The following HIGD1A variants were observed in gnomAD, a reference collection of about 807,000 sequenced individuals.
HIGD1A encodes the protein HIG1 hypoxia inducible domain family member 1A.
In HIGD1A, 8 loss-of-function variants were observed where a neutral mutation model predicts 11.3. That is an observed-to-expected ratio of 0.71 (90% CI 0.42 to 1.28). The LOEUF is 1.28. HIGD1A is among the 50% of genes most tolerant of loss of function. The pLI, the probability that HIGD1A is intolerant of heterozygous loss-of-function variation, is 0.01. For missense variants in HIGD1A, 107 were observed against 118.8 expected (o/e 0.90, Z 0.46); for synonymous variants, 32 against 38.4 (o/e 0.83, Z 0.62).
chr3:42,802,507 C>T (rs933177463), intron 1 of HIGD1A, among the ~76,000 whole-genome samples: 29 of 152,162 alleles, frequency 1.9e-4, no homozygotes, highest in African/African-American at 6.8e-4. Context: ...TATTATAATT[C>T]CCATATAGTA....
intron 1 of HIGD1A, among the ~76,000 whole-genome samples, chr3:42,802,472 GTTAT>G (rs1216798194): frequency 1.3e-5 from 2 of 152,270 alleles, no homozygotes; most frequent in Non-Finnish European, 2.9e-5. Flanking sequence ...ACACATATCA[GTTAT>G]TTGTTATTCT....
intron 2 of HIGD1A, among the ~76,000 whole-genome samples, chr3:42,789,743 T>G (rs1700397400): frequency 6.6e-6 from 1 of 152,110 alleles, no homozygotes; most frequent in African/African-American, 2.4e-5. Flanking sequence ...TTTATTTATT[T>G]AGAGACAGGG....
chr3:42,804,145 G>T (rs1490974593), intron 1 of HIGD1A: 1 of 1,606,040 alleles, frequency 6.2e-7, no homozygotes. Context: ...CACCCCATCA[G>T]CGAGTCTTCC....
At chr3:42,794,789 A>AT (rs1289248019) in intron 1 of HIGD1A, among the ~76,000 whole-genome samples, 1 of 151,974 alleles carries the variant, frequency 6.6e-6, no homozygotes, top group Non-Finnish European at 1.5e-5. Context: ...CCTTGCTTCA[A>AT]TTTTCACTTC....
At chr3:42,800,319 T>A (rs1240732301) in intron 1 of HIGD1A, among the ~76,000 whole-genome samples, 1 of 150,974 alleles carries the variant, frequency 6.6e-6, no homozygotes, top group South Asian at 2.1e-4. Context: ...ACAGAGAGAC[T>A]CTGTCTCAAA....
Position 42,786,046 on chromosome 3 carries a change from C to T in HIGD1A, c.214G>A (p.Val72Ile), listed in dbSNP as rs1700346223. 1.9e-6 allele frequency: 3 copies of T among 1,612,578 alleles called. No homozygotes were observed. The highest frequency in any genetic ancestry group is 2.5e-6 in the Non-Finnish European group (3 of 1,179,970). Residue 72 changes from valine to isoleucine, a missense_variant, in exon 3 of 4, where the codon GTA (valine) becomes ATA (isoleucine). Coordinates refer to ENST00000321331, the MANE Select transcript of HIGD1A (RefSeq NM_014056.4). ...HMRVAAQGFV[V>I]GAMTVGMGYS... ...AACCTACCAACAGTCATTGCTCCTA[C>T]AACAAAGCCTTGGGCTGCCACACGC...
At chr3:42,791,215 G>A (rs1021617957) in intron 2 of HIGD1A, among the ~76,000 whole-genome samples, 1 of 152,140 alleles carries the variant, frequency 6.6e-6, no homozygotes, top group African/African-American at 2.4e-5. Context: ...CGGAAAATAA[G>A]TTAGATTTTG....
chr3:42,803,944 C>T (rs1700603141), intron 1 of HIGD1A, among the ~76,000 whole-genome samples: 1 of 152,170 alleles, frequency 6.6e-6, no homozygotes, highest in Admixed American at 6.5e-5. Flanking sequence ...CCTCAACCTC[C>T]CGACCTTCCT....
At position 42,802,193 on chromosome 3, in the gene HIGD1A, GGTTA is replaced by G. The variant is rs1700573951; in HGVS notation, c.-23+2239_-23+2242del. On this transcript the variant is annotated intron_variant, in intron 1 of 3. Coordinates refer to ENST00000321331, the MANE Select transcript of HIGD1A (RefSeq NM_014056.4). Reference sequence around the variant, plus strand: ...TTTTTTCTCCTTTCAGGAGGGAGGGGGTTAGTTGTCTCTTTCCTGTATATAAATC... The same window carrying G: ...TTTTTTCTCCTTTCAGGAGGGAGGGGGTTGTCTCTTTCCTGTATATAAATC... Among the ~76,000 whole-genome samples, 3 of 151,980 alleles carry G rather than the reference GGTTA, an allele frequency of 2.0e-5. No individual in the cohort carries two copies. In the South Asian group the frequency reaches 6.2e-4, roughly 32 times the overall value.
At position 42,783,595 on chromosome 3, in the gene HIGD1A, A is replaced by G. The variant is rs1700307921; in HGVS notation, c.*1676T>C. Among the ~76,000 whole-genome samples the G allele has an allele frequency of 6.6e-6, 1 of 152,206 alleles. No individual in the cohort carries two copies. The highest frequency in any genetic ancestry group is 2.1e-4 in the South Asian group (1 of 4,832). On this transcript the variant is annotated 3_prime_UTR_variant, in exon 4 of 4. Transcript: ENST00000321331. ...ACACCACTGTACTCCAGCCTCAGCAACAGAGCAAGACTCTGTCTCAAAATA... is the reference window on the plus strand; with the variant it reads ...ACACCACTGTACTCCAGCCTCAGCAGCAGAGCAAGACTCTGTCTCAAAATA...
Position 42,783,689 on chromosome 3 carries a change from T to C in HIGD1A, c.*1582A>G, listed in dbSNP as rs1163840980. Among the ~76,000 whole-genome samples the C allele has an allele frequency of 2.0e-5, 3 of 152,068 alleles. No individual in the cohort carries two copies. Among genetic ancestry groups the C allele is most frequent in the Admixed American group, 6.6e-5 (1 of 15,262 alleles). On this transcript the variant is annotated 3_prime_UTR_variant, in exon 4 of 4. Transcript: ENST00000321331. ...TAATATATCGACCAGAACTGGTTAG[T>C]AGAGGAGGAGGGAAGGAAGAAATAT...
At chr3:42,793,213 A>G (rs546188750) in intron 2 of HIGD1A, among the ~76,000 whole-genome samples, 44 of 152,312 alleles carry the variant, frequency 2.9e-4, no homozygotes, top group African/African-American at 9.1e-4. Context: ...CTTTTTCTTA[A>G]GATTAATTTA....
rs781079273 is a variant in HIGD1A, at chr3:42,786,171, C to G, written c.98-9G>C. On this transcript the variant is annotated splice_polypyrimidine_tract_variant and intron_variant, in intron 2 of 3. Transcript: ENST00000321331. Reference sequence around the variant, plus strand: ...TGCAAAACCCGCTATTCCTGTAAAACAAAGTAACAAGTATGTCAGATGCAT... The same window carrying G: ...TGCAAAACCCGCTATTCCTGTAAAAGAAAGTAACAAGTATGTCAGATGCAT... 6.2e-7 allele frequency: 1 copy of G among 1,613,932 alleles called. No individual in the cohort carries two copies. Among genetic ancestry groups the G allele is most frequent in the Non-Finnish European group, 8.5e-7 (1 of 1,179,862 alleles).
intron 1 of HIGD1A, among the ~76,000 whole-genome samples, chr3:42,800,318 C>G (rs1440940447): frequency 6.6e-6 from 1 of 151,094 alleles, no homozygotes; most frequent in South Asian, 2.1e-4. Context: ...CACAGAGAGA[C>G]TCTGTCTCAA....
chr3:42,789,577 A>AC (rs1327797561), intron 2 of HIGD1A, among the ~76,000 whole-genome samples: 2 of 151,392 alleles, frequency 1.3e-5, no homozygotes, highest in African/African-American at 2.4e-5. Context: ...CAAAAAAAAA[A>AC]ACGAAAAATC....
In HIGD1A at chr3:42,793,656, T is replaced by A. The variant is rs1162692735; in HGVS notation, c.97+501A>T. Among the ~76,000 whole-genome samples the A allele has an allele frequency of 2.6e-5, 4 of 152,176 alleles. No individual in the cohort carries two copies. The East Asian group carries it at 7.7e-4, about 29-fold the overall frequency. The stretch of plus-strand genomic sequence containing the variant: ...GTCTTGGGGTCCCCCAATACAACAT[T>A]ATGCACTGAAATAAGACTCAATAAA... On this transcript the variant is annotated intron_variant, in intron 2 of 3. Coordinates refer to ENST00000321331, the MANE Select transcript of HIGD1A (RefSeq NM_014056.4).
intron 2 of HIGD1A, among the ~76,000 whole-genome samples, chr3:42,791,261 T>C (rs1700418715): frequency 6.6e-6 from 1 of 152,164 alleles, no homozygotes; most frequent in African/African-American, 2.4e-5. Context: ...TCCAGATAGA[T>C]TAGTATCTCA....
chr3:42,792,984 G>GAA (rs745632679), intron 2 of HIGD1A, among the ~76,000 whole-genome samples: 3 of 128,964 alleles, frequency 2.3e-5, no homozygotes, highest in African/African-American at 5.7e-5. Context: ...CTCCTTCTCG[G>GAA]AAAAAAAAAA....
intron 2 of HIGD1A, among the ~76,000 whole-genome samples, chr3:42,791,911 A>G (rs1003143916): frequency 1.3e-5 from 2 of 152,254 alleles, no homozygotes; most frequent in African/African-American, 4.8e-5. Flanking sequence ...CAACCAAAAA[A>G]TTTTATAGAT....
Sources: allele counts gnomAD v4.1 joint callset (sites outside exome capture counted in the v4.1 genomes callset), GRCh38; gene constraint gnomAD v4.1.1; transcripts MANE v1.5; gene names NCBI Gene and HGNC (gene_info 2026-07-23, HGNC 2026-07-21).